UBE2H: variants seen among roughly 807,000 people sequenced by gnomAD.
UBE2H encodes the protein ubiquitin-conjugating enzyme E2 H.
UBE2H carries 3 observed loss-of-function variants against 29.0 expected under a neutral mutation model. That is an observed-to-expected ratio of 0.10 (90% CI 0.05 to 0.27). The LOEUF is 0.27. UBE2H is among the 10% of genes least tolerant of loss of function. UBE2H has a pLI of 1.00. For missense variants in UBE2H, 68 were observed against 228.2 expected (o/e 0.30, Z 4.52); for synonymous variants, 69 against 82.9 (o/e 0.83, Z 0.91).
chr7:129,854,060 G>GGTTTT (rs1554430936), intron 5 of UBE2H, among the ~76,000 whole-genome samples: 1 of 100,312 alleles, frequency 1.0e-5, no homozygotes, highest in Non-Finnish European at 2.0e-5. Context: ...TTTAGTGTTA[G>GGTTTT]TTTTTTTTTT....
At chr7:129,894,784 C>T (rs573199903) in intron 1 of UBE2H, among the ~76,000 whole-genome samples, 16 of 152,106 alleles carry the variant, frequency 1.1e-4, no homozygotes, top group African/African-American at 3.4e-4. Context: ...CCACCGCGCC[C>T]GGCCCATACC....
intron 1 of UBE2H, among the ~76,000 whole-genome samples, chr7:129,929,026 T>G (rs980081856): frequency 2.6e-5 from 4 of 151,600 alleles, no homozygotes; most frequent in African/African-American, 9.7e-5. Context: ...CTGATAAGAG[T>G]AACATTTAGG....
At chr7:129,880,771 G>A in intron 2 of UBE2H, 124 bp downstream of exon 2, 1 of 711,790 alleles carries the variant, frequency 1.4e-6, no homozygotes. Context: ...TTCCTCACTG[G>A]TTCTGCAGTC....
chr7:129,854,060 G>GTTTTTT (rs56362841), intron 5 of UBE2H, among the ~76,000 whole-genome samples: 6 of 100,266 alleles, frequency 6.0e-5, no homozygotes, highest in Non-Finnish European at 9.9e-5. Context: ...TTTAGTGTTA[G>GTTTTTT]TTTTTTTTTT....
chr7:129,879,729 C>G, intron 2 of UBE2H, 87 bp from the exon 3 acceptor site: 2 of 1,230,014 alleles, frequency 1.6e-6, no homozygotes, highest in Non-Finnish European at 1.2e-6. Context: ...ATCCCCTAAT[C>G]TTCTGAAAAC....
intron 1 of UBE2H, among the ~76,000 whole-genome samples, chr7:129,919,660 C>T (rs1011394734): frequency 6.6e-6 from 1 of 152,208 alleles, no homozygotes; most frequent in Non-Finnish European, 1.5e-5. Context: ...AGGCAGGCTG[C>T]ACATTGCACC....
At chr7:129,859,367 C>G (rs1805760345) in intron 3 of UBE2H, among the ~76,000 whole-genome samples, 1 of 152,198 alleles carries the variant, frequency 6.6e-6, no homozygotes, top group Admixed American at 6.5e-5. Flanking sequence ...CGCTCACTTA[C>G]TGGTATCACT....
intron 3 of UBE2H, among the ~76,000 whole-genome samples, chr7:129,865,997 C>T: frequency 6.6e-6 from 1 of 152,150 alleles, no homozygotes; most frequent in East Asian, 1.9e-4. Flanking sequence ...CAGCTATGTG[C>T]AGGAGTCCAC....
At chr7:129,952,051 A>T (rs1171521285) in intron 1 of UBE2H, among the ~76,000 whole-genome samples, 1 of 152,138 alleles carries the variant, frequency 6.6e-6, no homozygotes, top group East Asian at 1.9e-4. Flanking sequence ...TTCAAGCAGC[A>T]TTGTGGTTGG....
chr7:129,938,988 G>A (rs939552250), intron 1 of UBE2H, among the ~76,000 whole-genome samples: 8 of 151,902 alleles, frequency 5.3e-5, no homozygotes, highest in African/African-American at 1.9e-4. Context: ...TAGTAGAGAT[G>A]GGGCTTCACC....
At chr7:129,895,594 A>G (rs1229406671) in intron 1 of UBE2H, among the ~76,000 whole-genome samples, 1 of 152,020 alleles carries the variant, frequency 6.6e-6, no homozygotes, top group Non-Finnish European at 1.5e-5. Context: ...TCTCCCCAAA[A>G]TATCTATTTA....
chr7:129,914,619 C>T (rs1018557319), intron 1 of UBE2H, among the ~76,000 whole-genome samples: 3 of 152,094 alleles, frequency 2.0e-5, no homozygotes, highest in Non-Finnish European at 2.9e-5. Context: ...CACTTCAAAC[C>T]GACCCAGGTT....
At chr7:129,910,843 CCGTACT>C (rs1806920884) in intron 1 of UBE2H, among the ~76,000 whole-genome samples, 1 of 152,004 alleles carries the variant, frequency 6.6e-6, no homozygotes, top group Admixed American at 6.6e-5. Flanking sequence ...GAGCACACCA[CCGTACT>C]CCAGCCTGGG....
chr7:129,893,049 T>C (rs1248838998), intron 1 of UBE2H, among the ~76,000 whole-genome samples: 1 of 152,244 alleles, frequency 6.6e-6, no homozygotes, highest in East Asian at 1.9e-4. Context: ...CAACTTACTA[T>C]GGTACCCTGA....
At chr7:129,868,939 T>C (rs1436957229) in intron 3 of UBE2H, among the ~76,000 whole-genome samples, 3 of 107,680 alleles carry the variant, frequency 2.8e-5, no homozygotes, top group Admixed American at 1.0e-4. Flanking sequence ...CTCTCTCTTT[T>C]TTTTTTTTTT....
At chr7:129,905,741 A>T (rs1031069746) in intron 1 of UBE2H, among the ~76,000 whole-genome samples, 16 of 152,236 alleles carry the variant, frequency 1.1e-4, no homozygotes, top group Non-Finnish European at 1.9e-4. Context: ...AAGTTGAGTT[A>T]TCCTGGTATT....
At chr7:129,940,937 A>G (rs1300851599) in intron 1 of UBE2H, among the ~76,000 whole-genome samples, 1 of 152,208 alleles carries the variant, frequency 6.6e-6, no homozygotes, top group Non-Finnish European at 1.5e-5. Context: ...ATTACACTTC[A>G]GCATAGAAAA....
chr7:129,872,302 T>C (rs1181411797), intron 3 of UBE2H, among the ~76,000 whole-genome samples: 3 of 152,150 alleles, frequency 2.0e-5, no homozygotes, highest in African/African-American at 7.2e-5. Flanking sequence ...AAGTTACTCA[T>C]GCTAGTTCTT....
At chr7:129,892,617 T>C (rs1444732893) in intron 1 of UBE2H, among the ~76,000 whole-genome samples, 1 of 152,196 alleles carries the variant, frequency 6.6e-6, no homozygotes, top group Non-Finnish European at 1.5e-5. Context: ...TACTACAAAA[T>C]ACAAGGATAC....
Sources: gnomAD v4.1 joint callset for allele counts (sites outside exome capture counted in the v4.1 genomes callset) on GRCh38, gnomAD v4.1.1 for gene constraint, MANE v1.5 for transcripts, NCBI Gene and HGNC (gene_info 2026-07-23, HGNC 2026-07-21) for gene names.